The following TRPM3 variants were observed in gnomAD, a reference collection of about 807,000 sequenced individuals.
TRPM3 encodes the protein long transient receptor potential channel 3.
TRPM3 carries 77 observed loss-of-function variants against 181.2 expected under a neutral mutation model. That is an observed-to-expected ratio of 0.42 (90% CI 0.35 to 0.51). TRPM3 has a LOEUF of 0.51. Ranked by LOEUF, TRPM3 falls within the 20% of genes least tolerant of loss-of-function variation. The pLI is 0.01. For missense variants in TRPM3, 1,759 were observed against 2,196.7 expected (o/e 0.80, Z 3.98); for synonymous variants, 745 against 796.4 (o/e 0.94, Z 1.09).
At chr9:71,357,764 T>C (rs2091965378) in intron 1 of TRPM3, among the ~76,000 whole-genome samples, 1 of 152,134 alleles carries the variant, frequency 6.6e-6, no homozygotes, top group African/African-American at 2.4e-5. Context: ...CTTTTTCTTA[T>C]CTTTTCTCTT....
intron 1 of TRPM3, among the ~76,000 whole-genome samples, chr9:71,187,423 G>A (rs577050895): frequency 6.6e-6 from 1 of 151,728 alleles, no homozygotes; most frequent in African/African-American, 2.4e-5. Flanking sequence ...CTAAGCAAAG[G>A]CCTCCAAAGC....
intron 1 of TRPM3, among the ~76,000 whole-genome samples, chr9:71,351,870 G>GTTTTTTTTTTTTTTTTTTTTTT (rs1398031517): frequency 2.1e-5 from 2 of 95,680 alleles, no homozygotes; most frequent in Non-Finnish European, 2.1e-5. Flanking sequence ...TTGTTTGTTT[G>GTTTTTTTTTTTTTTTTTTTTTT]TTTTTGTTTT....
intron 1 of TRPM3, among the ~76,000 whole-genome samples, chr9:71,153,597 C>T (rs1336839718): frequency 6.6e-6 from 1 of 152,000 alleles, no homozygotes; most frequent in East Asian, 1.9e-4. Flanking sequence ...TTTTGTTTTT[C>T]TAAATGTCTA....
At chr9:71,291,850 C>T (rs1407416254) in intron 1 of TRPM3, among the ~76,000 whole-genome samples, 1 of 151,966 alleles carries the variant, frequency 6.6e-6, no homozygotes, top group African/African-American at 2.4e-5. Context: ...AATCCTGAAA[C>T]CAGTAACAGA....
At position 71,156,311 on chromosome 9, in the gene TRPM3, T is replaced by C. The variant is rs866076630; in HGVS notation, c.183+290342A>G. Among the ~76,000 whole-genome samples, 104 of 151,756 alleles carry C rather than the reference T, an allele frequency of 6.9e-4. 2 individuals carry two copies. Among genetic ancestry groups the C allele is most frequent in the African/African-American group, 2.2e-3 (90 of 41,432 alleles). On this transcript the variant is annotated intron_variant, in intron 1 of 24. Transcript: ENST00000357533. ...AATTCTTTAAGCCTTTGCTTCTTTA[T>C]ATAAAAAATTAGGATACCACGAGCA... is the stretch of plus-strand genomic sequence containing the variant.
chr9:71,128,219 C>T (rs1338111465), intron 1 of TRPM3, among the ~76,000 whole-genome samples: 1 of 152,094 alleles, frequency 6.6e-6, no homozygotes. Context: ...ATCATATATT[C>T]CAATAATGGG....
chr9:71,396,099 T>G (rs1201319494), intron 1 of TRPM3, among the ~76,000 whole-genome samples: 1 of 152,112 alleles, frequency 6.6e-6, no homozygotes, highest in Non-Finnish European at 1.5e-5. Flanking sequence ...CTATTAGGAT[T>G]AAAAAACAAA....
At chr9:70,788,263 C>T (rs10780968) in intron 6 of TRPM3, among the ~76,000 whole-genome samples, 53,561 of 148,770 alleles carry the variant, frequency 0.36, 10,250 homozygotes, top group East Asian at 0.52. Context: ...TTGAAACCTA[C>T]CTTAGCTGAT....
intron 1 of TRPM3, among the ~76,000 whole-genome samples, chr9:71,237,705 C>T (rs757379793): frequency 3.3e-5 from 5 of 152,090 alleles, no homozygotes; most frequent in Non-Finnish European, 7.4e-5. Context: ...CTGTTTTGTG[C>T]CGCTGTAACA....
Position 70,529,139 on chromosome 9 carries a change from TC to T in TRPM3, c.*6813del, listed in dbSNP as rs745356575. 20 of 152,206 alleles carry T rather than the reference TC, an allele frequency of 1.3e-4. 1 individual carries two copies. 9.4% of individuals were successfully genotyped at this position (152,206 alleles called of 1,614,324 possible). A position where few individuals can be genotyped will look rare whatever the true frequency, so the allele number is the denominator to read the frequency against. ...ATTTCAGAAAGTTTTTCCCGTGGTA[TC>T]TGCCAACTTCTGCTCTGAATTGTAT... On this transcript the variant is annotated 3_prime_UTR_variant, in exon 26 of 26. Coordinates refer to ENST00000677713, the MANE Select transcript of TRPM3 (RefSeq NM_001366145.2).
chr9:71,254,479 T>A (rs954244189), intron 1 of TRPM3, among the ~76,000 whole-genome samples: 1 of 152,186 alleles, frequency 6.6e-6, no homozygotes, highest in Non-Finnish European at 1.5e-5. Context: ...GCTGAGAGAT[T>A]TTAAGTGCTT....
At chr9:71,209,378 A>ATGG (rs3040592) in intron 1 of TRPM3, among the ~76,000 whole-genome samples, 1 of 96,830 alleles carries the variant, frequency 1.0e-5, no homozygotes, top group African/African-American at 4.6e-5. Flanking sequence ...GGGGGAGAAG[A>ATGG]GGGGGTAGGG....
At position 70,655,305 on chromosome 9, in the gene TRPM3, C is replaced by CAAAAAAA. The variant is rs1169901529; in HGVS notation, c.1346-14652_1346-14646dup. Among the ~76,000 whole-genome samples, 63 of 33,116 alleles carry CAAAAAAA rather than the reference C, an allele frequency of 1.9e-3. 2 individuals are homozygous for CAAAAAAA. Among genetic ancestry groups the CAAAAAAA allele is most frequent in the African/African-American group, 3.7e-3 (40 of 10,786 alleles). 21.7% of individuals were successfully genotyped at this position (33,116 alleles called of 152,430 possible). The stretch of plus-strand genomic sequence containing the variant: ...TGGGCGAAAGAGTGAGACTCCGTCT[C>CAAAAAAA]AAAAAAAAAAAAAAAAAAAAAAAAA... On this transcript the variant is annotated intron_variant, in intron 9 of 25. Transcript: ENST00000677713.
At chr9:71,029,046 A>T (rs2056954533) in intron 1 of TRPM3, among the ~76,000 whole-genome samples, 1 of 152,228 alleles carries the variant, frequency 6.6e-6, no homozygotes, top group Admixed American at 6.5e-5. Context: ...AATGCTCAGC[A>T]AATGTAAAAA....
intron 9 of TRPM3, among the ~76,000 whole-genome samples, chr9:70,659,308 G>T (rs1051119010): frequency 6.6e-6 from 1 of 152,016 alleles, no homozygotes; most frequent in South Asian, 2.1e-4. Context: ...CTGACCGGTG[G>T]TAAGTAAAGA....
At chr9:70,905,009 C>T (rs758871184) in intron 1 of TRPM3, among the ~76,000 whole-genome samples, 1 of 152,142 alleles carries the variant, frequency 6.6e-6, no homozygotes, top group East Asian at 1.9e-4. Context: ...ACTGTTTTGG[C>T]AACTTTCAAG....
At chr9:71,425,090 C>T (rs774953479) in intron 1 of TRPM3, among the ~76,000 whole-genome samples, 21 of 147,482 alleles carry the variant, frequency 1.4e-4, no homozygotes, top group South Asian at 4.4e-4. Context: ...ATATCATTAC[C>T]TACATATGTC....
At position 70,532,835 on chromosome 9, in the gene TRPM3, TC is replaced by T. The variant is rs1301474915; in HGVS notation, c.*3117del. Reference sequence around the variant, plus strand: ...ACAAAGACAGGTAATTAACGTCCCCTCGATCAGGGATGTGGTGGAATCAATG... The same window carrying T: ...ACAAAGACAGGTAATTAACGTCCCCTGATCAGGGATGTGGTGGAATCAATG... On this transcript the variant is annotated 3_prime_UTR_variant, in exon 26 of 26. Coordinates refer to ENST00000677713, the MANE Select transcript of TRPM3 (RefSeq NM_001366145.2). The T allele has an allele frequency of 1.4e-4, 22 of 152,156 alleles. No homozygotes were observed. Among genetic ancestry groups the T allele is most frequent in the African/African-American group, 4.8e-4 (20 of 41,432 alleles). The allele number at this position is 152,156 out of a possible 1,614,324, so 9.4% of individuals were successfully genotyped here.
intron 1 of TRPM3, among the ~76,000 whole-genome samples, chr9:70,892,537 G>A (rs12346408): frequency 0.039 from 5,933 of 150,572 alleles, 158 homozygotes; most frequent in African/African-American, 0.079. Flanking sequence ...TTATACTTTT[G>A]GAGAGAAAAA....
Sources: gnomAD v4.1 joint callset for allele counts (sites outside exome capture counted in the v4.1 genomes callset) on GRCh38, gnomAD v4.1.1 for gene constraint, MANE v1.5 for transcripts, NCBI Gene and HGNC (gene_info 2026-07-23, HGNC 2026-07-21) for gene names.